AFF3: variants seen among roughly 807,000 people sequenced by gnomAD.
The protein encoded by AFF3 is AF4/FMR2 family member 3.
AFF3 carries 32 observed loss-of-function variants against 129.7 expected under a neutral mutation model. The ratio of observed to expected loss-of-function variants is 0.25; its 90% CI spans 0.19 to 0.33. The LOEUF is 0.33. Among genes scored for constraint, AFF3 ranks in the 10% least tolerant of loss-of-function variants. AFF3 has a pLI of 1.00. For synonymous variants in AFF3, 644 were observed against 635.4 expected (o/e 1.01, Z -0.20); for missense variants, 1,373 against 1,592.0 (o/e 0.86, Z 2.34).
At chr2:99,559,008 T>C (rs370524239) in intron 21 of AFF3, 40 bp from the exon 22 acceptor site, 1 of 1,576,998 alleles carries the variant, frequency 6.3e-7, no homozygotes, top group African/African-American at 1.3e-5. Flanking sequence ...AGCGGCTGAG[T>C]GCGTCGTGCG....
intron 1 of AFF3, among the ~76,000 whole-genome samples, chr2:100,136,184 G>C (rs1692635378): frequency 6.6e-6 from 1 of 152,234 alleles, no homozygotes; most frequent in Non-Finnish European, 1.5e-5. Flanking sequence ...AGTTGGGAAA[G>C]AAGTCAGGGC....
At chr2:99,779,194 A>T (rs895054835) in intron 8 of AFF3, among the ~76,000 whole-genome samples, 1 of 152,030 alleles carries the variant, frequency 6.6e-6, no homozygotes, top group Non-Finnish European at 1.5e-5. Flanking sequence ...TAGCTGGAGG[A>T]GGGCTGCCTC....
At chr2:100,035,656 T>C (rs1318398820) in intron 4 of AFF3, among the ~76,000 whole-genome samples, 1 of 152,224 alleles carries the variant, frequency 6.6e-6, no homozygotes, top group African/African-American at 2.4e-5. Flanking sequence ...AAACCTTCTT[T>C]TCATCTATAT....
At chr2:99,878,198 T>G (rs1692439118) in intron 7 of AFF3, among the ~76,000 whole-genome samples, 1 of 152,154 alleles carries the variant, frequency 6.6e-6, no homozygotes, top group Admixed American at 6.5e-5. Context: ...ATTCTCTAGG[T>G]CATCCGTGAG....
At chr2:99,633,239 G>A (rs559809874) in intron 13 of AFF3, among the ~76,000 whole-genome samples, 15 of 152,080 alleles carry the variant, frequency 9.9e-5, no homozygotes, top group South Asian at 8.3e-4. Flanking sequence ...CACCGTACAC[G>A]TGCCGAGATT....
chr2:99,917,992 T>C (rs1695590563), intron 7 of AFF3, among the ~76,000 whole-genome samples: 1 of 152,158 alleles, frequency 6.6e-6, no homozygotes, highest in Non-Finnish European at 1.5e-5. Flanking sequence ...TGAATGGTAA[T>C]ATGCTAGTGC....
At chr2:100,008,969 A>G (rs746405151) in intron 4 of AFF3, 37 bp from the exon 5 acceptor site, 2 of 1,608,228 alleles carry the variant, frequency 1.2e-6, no homozygotes, top group Admixed American at 1.7e-5. Context: ...AACCACACAC[A>G]CAAATTAAAC....
chr2:99,792,601 C>T (rs1685276616), intron 8 of AFF3, among the ~76,000 whole-genome samples: 1 of 152,210 alleles, frequency 6.6e-6, no homozygotes, highest in Admixed American at 6.5e-5. Context: ...ATTAGTTAAG[C>T]TACTATAGGC....
intron 4 of AFF3, among the ~76,000 whole-genome samples, chr2:100,079,651 C>T (rs999527199): frequency 3.3e-5 from 5 of 152,026 alleles, no homozygotes; most frequent in African/African-American, 1.2e-4. Context: ...TTCTTGTGGC[C>T]CCCCAACAGA....
At chr2:99,957,160 TGTGC>T in intron 7 of AFF3, among the ~76,000 whole-genome samples, 1 of 151,696 alleles carries the variant, frequency 6.6e-6, no homozygotes, top group East Asian at 1.9e-4. Context: ...TGTGTGTGTG[TGTGC>T]ATGTACGTGT....
intron 13 of AFF3, among the ~76,000 whole-genome samples, chr2:99,602,082 T>G (rs1397333665): frequency 1.3e-5 from 2 of 152,198 alleles, no homozygotes; most frequent in Non-Finnish European, 2.9e-5. Context: ...TGGCAGGGAT[T>G]AGGCAGAGGG....
chr2:99,743,918 C>T (rs1434515351), intron 10 of AFF3, among the ~76,000 whole-genome samples, 186 bp downstream of exon 10: 2 of 152,100 alleles, frequency 1.3e-5, no homozygotes, highest in Non-Finnish European at 2.9e-5. Flanking sequence ...CTTGAATATG[C>T]ACACTTAAGG....
intron 8 of AFF3, among the ~76,000 whole-genome samples, chr2:99,832,343 T>G (rs1688570185): frequency 6.6e-6 from 1 of 152,220 alleles, no homozygotes; most frequent in Admixed American, 6.5e-5. Context: ...GGACTTCCAG[T>G]ATTCCTTTAC....
intron 8 of AFF3, among the ~76,000 whole-genome samples, chr2:99,785,924 T>C (rs1181978801): frequency 6.6e-6 from 1 of 152,142 alleles, no homozygotes; most frequent in East Asian, 1.9e-4. Context: ...ATTTTTTGTA[T>C]TTTTAGTACA....
At chr2:100,092,411 A>G (rs1313493513) in intron 4 of AFF3, among the ~76,000 whole-genome samples, 1 of 152,140 alleles carries the variant, frequency 6.6e-6, no homozygotes. Context: ...ACCTTCAGAC[A>G]TGGCCTCTCA....
At chr2:99,850,493 C>T (rs1690065913) in intron 7 of AFF3, among the ~76,000 whole-genome samples, 2 of 152,332 alleles carry the variant, frequency 1.3e-5, no homozygotes, top group East Asian at 1.9e-4. Flanking sequence ...GGAGTTTGAA[C>T]TAATGGGGGA....
At chr2:100,014,050 CA>C (rs990125933) in intron 4 of AFF3, among the ~76,000 whole-genome samples, 33 of 151,866 alleles carry the variant, frequency 2.2e-4, no homozygotes, top group African/African-American at 7.7e-4. Context: ...CCCAGCCAGC[CA>C]GGGGGGGATG....
At chr2:99,938,157 A>G (rs1278832170) in intron 7 of AFF3, among the ~76,000 whole-genome samples, 2 of 152,224 alleles carry the variant, frequency 1.3e-5, no homozygotes, top group South Asian at 4.1e-4. Flanking sequence ...CTCAAAAAAC[A>G]GTAACTACCA....
intron 7 of AFF3, among the ~76,000 whole-genome samples, chr2:99,986,056 T>C (rs10177463): frequency 0.54 from 81,307 of 151,254 alleles, 22,802 homozygotes; most frequent in African/African-American, 0.7. Flanking sequence ...AAAAAATTAG[T>C]CAGGCGTGGT....
Sources: allele counts gnomAD v4.1 joint callset (sites outside exome capture counted in the v4.1 genomes callset), GRCh38; gene constraint gnomAD v4.1.1; transcripts MANE v1.5; gene names NCBI Gene and HGNC (gene_info 2026-07-23, HGNC 2026-07-21).